The following TMLHE variants were observed in gnomAD, a reference collection of about 807,000 sequenced individuals.
TMLHE encodes trimethyllysine dioxygenase, mitochondrial.
In TMLHE, 18 loss-of-function variants were observed where a neutral mutation model predicts 25.7. That is an observed-to-expected ratio of 0.70 (90% CI 0.48 to 1.04). The LOEUF is 1.04. TMLHE is among the 50% of genes least tolerant of loss of function. TMLHE has a pLI of 0.00. For synonymous variants in TMLHE, 105 were observed against 97.0 expected (o/e 1.08, Z -0.49); for missense variants, 236 against 259.0 (o/e 0.91, Z 0.61).
At chrX:155,574,051 G>A (rs1343144634) in intron 1 of TMLHE, among the ~76,000 whole-genome samples, 1 of 107,245 alleles carries the variant, frequency 9.3e-6, no homozygotes, top group African/African-American at 3.6e-5. Context: ...CATATCCAGT[G>A]GCATTGCTGA....
chrX:155,553,636 G>A (rs188161324), intron 1 of TMLHE, among the ~76,000 whole-genome samples: 51 of 108,669 alleles, frequency 4.7e-4, no homozygotes, highest in South Asian at 1.2e-3. Flanking sequence ...ATTTAACTGA[G>A]GTATTCAGTC....
chrX:155,532,412 C>G (rs2067254094), intron 2 of TMLHE, among the ~76,000 whole-genome samples: 1 of 112,049 alleles, frequency 8.9e-6, no homozygotes, highest in African/African-American at 3.2e-5. Flanking sequence ...GCATCACCTC[C>G]ATGTACCTAT....
At chrX:155,523,746 A>G (rs2067202572) in intron 3 of TMLHE, among the ~76,000 whole-genome samples, 1 of 112,177 alleles carries the variant, frequency 8.9e-6, no homozygotes, top group African/African-American at 3.2e-5. Flanking sequence ...ATTTGGAGAA[A>G]ACTGACATCA....
At chrX:155,530,935 C>A (rs782474979) in intron 2 of TMLHE, among the ~76,000 whole-genome samples, 1 of 112,143 alleles carries the variant, frequency 8.9e-6, no homozygotes, top group Non-Finnish European at 1.9e-5. Flanking sequence ...TGGGTGTTAT[C>A]AAAAACAATT....
intron 1 of TMLHE, among the ~76,000 whole-genome samples, chrX:155,547,176 G>A (rs1302036314): frequency 2.8e-4 from 28 of 98,470 alleles, no homozygotes; most frequent in Non-Finnish European, 2.7e-4. Flanking sequence ...ACGGAGTCTT[G>A]CTCTGTCGCC....
At chrX:155,512,518 A>C (rs900296089) in intron 4 of TMLHE, among the ~76,000 whole-genome samples, 2 of 110,607 alleles carry the variant, frequency 1.8e-5, no homozygotes, top group Admixed American at 9.7e-5. Context: ...TTATGGCTGC[A>C]TAGTATTCCA....
intron 1 of TMLHE, among the ~76,000 whole-genome samples, chrX:155,581,952 C>A (rs1481906398): frequency 1.8e-5 from 2 of 112,063 alleles, no homozygotes; most frequent in Non-Finnish European, 3.8e-5. Context: ...ACCAAAACAG[C>A]ATGGTACTGG....
At chrX:155,603,107 T>C (rs782133672) in intron 1 of TMLHE, among the ~76,000 whole-genome samples, 51 of 111,615 alleles carry the variant, frequency 4.6e-4, no homozygotes, top group Non-Finnish European at 7.9e-4. Context: ...GGCAGGAGGA[T>C]AGCTTAAGCC....
chrX:155,545,053 TACC>T (rs782008719), intron 2 of TMLHE, 40 bp downstream of exon 2: 1 of 1,180,157 alleles, frequency 8.5e-7, no homozygotes, highest in Non-Finnish European at 1.1e-6. Flanking sequence ...AAACATTTCT[TACC>T]ACAAGTTTTA....
intron 6 of TMLHE, among the ~76,000 whole-genome samples, chrX:155,505,831 T>C (rs1333542268): frequency 2.7e-5 from 3 of 111,744 alleles, no homozygotes; most frequent in Admixed American, 9.6e-5. Flanking sequence ...AGCATGACTC[T>C]TGGTAGATGC....
intron 1 of TMLHE, among the ~76,000 whole-genome samples, chrX:155,587,003 T>G (rs2067668977): frequency 1.8e-5 from 2 of 112,205 alleles, no homozygotes; most frequent in African/African-American, 6.5e-5. Flanking sequence ...GAACTATCCC[T>G]AACTCATTTA....
intron 1 of TMLHE, among the ~76,000 whole-genome samples, chrX:155,550,256 T>C (rs782587001): frequency 1.8e-5 from 2 of 110,921 alleles, no homozygotes; most frequent in South Asian, 3.8e-4. Context: ...GTAATATGCA[T>C]ATATGAAAAT....
chrX:155,548,532 GAGGCCA>G (rs2067378057), intron 1 of TMLHE, among the ~76,000 whole-genome samples: 1 of 107,436 alleles, frequency 9.3e-6, no homozygotes, highest in Non-Finnish European at 1.9e-5. Context: ...TCAGCAGTAT[GAGGCCA>G]GCCTGACTAA....
intron 2 of TMLHE, among the ~76,000 whole-genome samples, chrX:155,543,576 A>C (rs1298780442): frequency 8.9e-6 from 1 of 112,414 alleles, no homozygotes; most frequent in Non-Finnish European, 1.9e-5. Flanking sequence ...GGAAGAATTA[A>C]TATTGTTAAA....
intron 1 of TMLHE, among the ~76,000 whole-genome samples, chrX:155,582,748 G>C (rs1603085047): frequency 8.9e-6 from 1 of 112,177 alleles, no homozygotes; most frequent in Non-Finnish European, 1.9e-5. Flanking sequence ...TTCAACCATT[G>C]TGGAAGACAG....
intron 2 of TMLHE, among the ~76,000 whole-genome samples, chrX:155,539,075 A>C (rs1181071347): frequency 3.6e-5 from 4 of 111,673 alleles, no homozygotes; most frequent in Non-Finnish European, 7.5e-5. Flanking sequence ...CCAGTAGGAA[A>C]ATTCATGGCA....
At chrX:155,515,564 T>G (rs2067146862) in intron 3 of TMLHE, among the ~76,000 whole-genome samples, 1 of 111,738 alleles carries the variant, frequency 8.9e-6, no homozygotes, top group Non-Finnish European at 1.9e-5. Flanking sequence ...ATCAAATTAC[T>G]TTTTAGAAAG....
Position 155,511,665 on chromosome X carries a change from C to A in TMLHE, c.758+8G>T. The stretch of plus-strand genomic sequence containing the variant: ...AGACTTTACACTGTAAAAGTCTAAT[C>A]CACCTACCCACAGGGCTCTTGAAAA... On this transcript the variant is annotated splice_region_variant and intron_variant, in intron 5 of 7. Coordinates refer to ENST00000334398, the MANE Select transcript of TMLHE (RefSeq NM_018196.4). 1 of 1,189,300 alleles carries A rather than the reference C, an allele frequency of 8.4e-7. No individual in the cohort carries two copies. The highest frequency in any genetic ancestry group is 1.1e-6 in the Non-Finnish European group (1 of 881,658).
intron 4 of TMLHE, among the ~76,000 whole-genome samples, chrX:155,512,272 T>G (rs1222113187): frequency 1.9e-5 from 2 of 107,846 alleles, no homozygotes; most frequent in African/African-American, 6.9e-5. Flanking sequence ...ACCCACTAAC[T>G]CATCATCTAG....
Sources: allele counts gnomAD v4.1 joint callset (sites outside exome capture counted in the v4.1 genomes callset), GRCh38; gene constraint gnomAD v4.1.1; transcripts MANE v1.5; gene names NCBI Gene and HGNC (gene_info 2026-07-23, HGNC 2026-07-21).